Variants in SLC8A3 observed in about 807,000 individuals in gnomAD.
SLC8A3 encodes sodium/calcium exchanger 3.
A neutral mutation model predicts 65.4 loss-of-function variants in SLC8A3; 37 were observed. That is an observed-to-expected ratio of 0.57 (90% CI 0.44 to 0.74). The LOEUF (loss-of-function observed/expected upper bound fraction) is 0.74. Ranked by LOEUF, SLC8A3 falls within the 30% of genes least tolerant of loss-of-function variation. SLC8A3 has a pLI of 0.00. For synonymous variants in SLC8A3, 461 were observed against 444.5 expected, an observed-to-expected ratio of 1.04 and a Z score of -0.47; for missense variants, 1,112 against 1,172.1, an observed-to-expected ratio of 0.95 and a Z score of 0.75.
chr14:70,133,545 T>G (rs60552299), intron 2 of SLC8A3, among the ~76,000 whole-genome samples: 23,942 of 152,076 alleles, frequency 0.16, 2,021 homozygotes, highest in African/African-American at 0.2. Context: ...TTTTGACAAA[T>G]TCCGTGCACG....
At chr14:70,161,080 TAA>T (rs1227360711) in intron 2 of SLC8A3, among the ~76,000 whole-genome samples, 1 of 134,626 alleles carries the variant, frequency 7.4e-6, no homozygotes. Flanking sequence ...CCATCTCTAC[TAA>T]AAAAAAAAAG....
chr14:70,132,774 A>C (rs1894928555), intron 2 of SLC8A3, among the ~76,000 whole-genome samples: 1 of 152,088 alleles, frequency 6.6e-6, no homozygotes, highest in Admixed American at 6.6e-5. Context: ...TTGTGTGTCC[A>C]CCCCAAGGCA....
rs553892637 is a variant in SLC8A3, at chr14:70,086,354, A to AT, written c.1785-25416dup. 3.3e-4 allele frequency among the ~76,000 whole-genome samples: 50 copies of AT among 150,998 alleles called. 2 individuals carry two copies. The South Asian group carries it at 9.4e-3, about 29-fold the overall frequency. ...AAAGCCTTCCTTTGTTTAAAAAACAATTTTTTTAATTTAATTTCTTTCTTT... is the reference window on the plus strand; with the variant it reads ...AAAGCCTTCCTTTGTTTAAAAAACAATTTTTTTTAATTTAATTTCTTTCTTT... On this transcript the variant is annotated intron_variant, in intron 2 of 6. Transcript: ENST00000356921.
chr14:70,050,980 A>G, intron 5 of SLC8A3, 28 bp downstream of exon 5: 1 of 1,510,318 alleles, frequency 6.6e-7, no homozygotes, highest in Non-Finnish European at 9.2e-7. Context: ...TGCTTCTCCC[A>G]GCAAGGCCAG....
chr14:70,110,919 A>G (rs1893257094), intron 2 of SLC8A3, among the ~76,000 whole-genome samples: 1 of 152,048 alleles, frequency 6.6e-6, no homozygotes, highest in Admixed American at 6.5e-5. Flanking sequence ...TGACCTCATG[A>G]TCTGCCTGCC....
intron 2 of SLC8A3, among the ~76,000 whole-genome samples, chr14:70,085,902 A>G (rs1891398133): frequency 6.6e-6 from 1 of 152,242 alleles, no homozygotes. Flanking sequence ...CAAAAATGAT[A>G]AAAACTGAGG....
intron 2 of SLC8A3, among the ~76,000 whole-genome samples, chr14:70,164,583 A>G (rs1897062591): frequency 6.6e-6 from 1 of 152,216 alleles, no homozygotes; most frequent in Non-Finnish European, 1.5e-5. Flanking sequence ...AGTTTGAGGA[A>G]GGTTTAGTCG....
chr14:70,150,780 G>T (rs1225607611), intron 2 of SLC8A3, among the ~76,000 whole-genome samples: 3 of 152,172 alleles, frequency 2.0e-5, no homozygotes, highest in Non-Finnish European at 4.4e-5. Flanking sequence ...ACTCCAGAGG[G>T]AAAGGGGATT....
At chr14:70,076,438 A>G (rs80267496) in intron 2 of SLC8A3, among the ~76,000 whole-genome samples, 174 of 152,274 alleles carry the variant, frequency 1.1e-3, no homozygotes, top group Non-Finnish European at 2.0e-3. Flanking sequence ...CGCAATATAT[A>G]TTTGTTGAAT....
At chr14:70,081,571 A>G (rs1891055119) in intron 2 of SLC8A3, among the ~76,000 whole-genome samples, 1 of 152,142 alleles carries the variant, frequency 6.6e-6, no homozygotes, top group Non-Finnish European at 1.5e-5. Context: ...GCTCTAGGCT[A>G]TGTGGGTCAT....
At chr14:70,130,288 C>T (rs1322190049) in intron 2 of SLC8A3, among the ~76,000 whole-genome samples, 2 of 152,232 alleles carry the variant, frequency 1.3e-5, no homozygotes, top group Non-Finnish European at 2.9e-5. Context: ...TTTCTCAACT[C>T]ACCTGACGTT....
At position 70,123,362 on chromosome 14, in the gene SLC8A3, A is replaced by T. The variant is rs542080683; in HGVS notation, c.1784+43277T>A. ...TTAAAAGTAATTGTTTATATTAAAAACAAAGAGCATGGAATAAAGAAATAT... is the reference window on the plus strand; with the variant it reads ...TTAAAAGTAATTGTTTATATTAAAATCAAAGAGCATGGAATAAAGAAATAT... On this transcript the variant is annotated intron_variant, in intron 2 of 6. Transcript: ENST00000356921. 2.6e-5 allele frequency among the ~76,000 whole-genome samples: 4 copies of T among 152,236 alleles called. No homozygotes were observed. The South Asian group carries it at 6.2e-4, about 24-fold the overall frequency.
chr14:70,123,157 A>T (rs1894200375), intron 2 of SLC8A3, among the ~76,000 whole-genome samples: 1 of 151,516 alleles, frequency 6.6e-6, no homozygotes, highest in Non-Finnish European at 1.5e-5. Flanking sequence ...AGGCAGGAGA[A>T]TTGCTTGAAC....
intron 2 of SLC8A3, among the ~76,000 whole-genome samples, chr14:70,078,790 TG>T (rs1566762874): frequency 6.6e-6 from 1 of 152,222 alleles, no homozygotes; most frequent in Non-Finnish European, 1.5e-5. Flanking sequence ...CTCACTTGTA[TG>T]GCTATTAGAT....
At chr14:70,119,643 T>C (rs998335762) in intron 2 of SLC8A3, among the ~76,000 whole-genome samples, 1 of 152,260 alleles carries the variant, frequency 6.6e-6, no homozygotes, top group Non-Finnish European at 1.5e-5. Context: ...GCAGCAATCA[T>C]GAGCCTGAGC....
intron 2 of SLC8A3, among the ~76,000 whole-genome samples, chr14:70,139,461 G>C (rs1258814335): frequency 6.6e-6 from 1 of 152,162 alleles, no homozygotes; most frequent in Non-Finnish European, 1.5e-5. Context: ...CAAGAGTTGG[G>C]GCCATATGAG....
chr14:70,139,765 C>A (rs1166803632), intron 2 of SLC8A3, among the ~76,000 whole-genome samples: 1 of 152,138 alleles, frequency 6.6e-6, no homozygotes, highest in Non-Finnish European at 1.5e-5. Flanking sequence ...GATGAATGGA[C>A]CTGACCTAAG....
At chr14:70,181,165 T>C (rs548893676) in intron 1 of SLC8A3, among the ~76,000 whole-genome samples, 6 of 152,208 alleles carry the variant, frequency 3.9e-5, no homozygotes, top group Admixed American at 6.5e-5. Flanking sequence ...AGGTGAGTCT[T>C]ACCTGTGGTT....
At chr14:70,048,715 A>C in intron 6 of SLC8A3, 52 bp downstream of exon 6, 1 of 1,527,924 alleles carries the variant, frequency 6.5e-7, no homozygotes, top group Non-Finnish European at 9.0e-7. Context: ...TCCAGGGGTC[A>C]TTTGAACCAG....
Sources: allele counts gnomAD v4.1 joint callset (sites outside exome capture counted in the v4.1 genomes callset), GRCh38; gene constraint gnomAD v4.1.1; transcripts MANE v1.5; gene names NCBI Gene and HGNC (gene_info 2026-07-23, HGNC 2026-07-21).